The following BAZ1B variants were observed in gnomAD, a reference collection of about 807,000 sequenced individuals.
BAZ1B encodes bromodomain adjacent to zinc finger domain 1B, also known as tyrosine-protein kinase BAZ1B.
In BAZ1B, 22 loss-of-function variants were observed where a neutral mutation model predicts 153.8. The ratio of observed to expected loss-of-function variants is 0.14; its 90% confidence interval spans 0.10 to 0.20. The LOEUF (loss-of-function observed/expected upper bound fraction) is 0.20, where lower values mean the gene tolerates loss of function less well. Ranked by LOEUF, BAZ1B falls within the 10% of genes least tolerant of loss-of-function variation. BAZ1B has a pLI of 1.00. For synonymous variants in BAZ1B, 676 were observed against 633.4 expected, an observed-to-expected ratio of 1.07 and a Z score of -1.01; for missense variants, 1,325 against 1,799.3, an observed-to-expected ratio of 0.74 and a Z score of 4.77.
chr7:73,477,148 C>T lies in BAZ1B; in HGVS notation c.2313G>A (p.Gln771=). 1 of 1,614,230 alleles carries T rather than the reference C, an allele frequency of 6.2e-7. No individual in the cohort carries two copies. The highest frequency in any genetic ancestry group is 1.3e-5 in the African/African-American group (1 of 75,060). The stretch of plus-strand genomic sequence containing the variant: ...GTTCCTTCCACAACTCTGCAGACAT[C>T]TGCTGTCTGGTCTCCATGTGGTCTT... ...SVQDHMETRQ[Q]MSAELWKERL... Residue 771 remains glutamine (Q), a synonymous_variant, in exon 7 of 20, where the codon CAG becomes CAA. Coordinates refer to ENST00000339594, the MANE Select transcript of BAZ1B (RefSeq NM_032408.4). The surrounding 1 kb of genome is among the most constrained non-coding windows in gnomAD (Gnocchi z 5.6).
At chr7:73,517,077 G>T (rs1277440170) in intron 1 of BAZ1B, among the ~76,000 whole-genome samples, 2 of 151,854 alleles carry the variant, frequency 1.3e-5, no homozygotes, top group Non-Finnish European at 2.9e-5. Context: ...CAGTTGCTTG[G>T]GAGTCTGAGG....
chr7:73,487,553 G>GAGCT (rs1196619123), intron 6 of BAZ1B, among the ~76,000 whole-genome samples: 4 of 152,140 alleles, frequency 2.6e-5, no homozygotes, highest in Non-Finnish European at 5.9e-5. Context: ...ACATAAAACA[G>GAGCT]AGCTGTAAGA....
chr7:73,465,547 CA>C lies in BAZ1B; in HGVS notation c.2973-11del. ...ACTATCACATAAAAACCTGTAGGGG[CA>C]AAAGAGACCTGATAACTCTGAAAAA... On this transcript the variant is annotated splice_polypyrimidine_tract_variant and intron_variant, in intron 10 of 19. Transcript: ENST00000339594. 1 of 1,431,644 alleles carries C rather than the reference CA, an allele frequency of 7.0e-7. No homozygotes were observed. The highest frequency in any genetic ancestry group is 9.6e-7 in the Non-Finnish European group (1 of 1,045,336). The allele number at this position is 1,431,644 out of a possible 1,614,324, so 88.7% of individuals were successfully genotyped here.
intron 4 of BAZ1B, among the ~76,000 whole-genome samples, chr7:73,496,325 A>G (rs2116403196): frequency 6.6e-6 from 1 of 152,304 alleles, no homozygotes; most frequent in African/African-American, 2.4e-5. Context: ...AGTATCAACA[A>G]CTTGGGATGG....
intron 7 of BAZ1B, among the ~76,000 whole-genome samples, chr7:73,473,484 G>A (rs1466957753): frequency 6.6e-6 from 1 of 152,070 alleles, no homozygotes; most frequent in African/African-American, 2.4e-5. Flanking sequence ...AACCTGGGAG[G>A]TGGAGGTTGC....
chr7:73,474,187 G>A (rs1333068527), intron 7 of BAZ1B, among the ~76,000 whole-genome samples: 1 of 152,054 alleles, frequency 6.6e-6, no homozygotes, highest in Non-Finnish European at 1.5e-5. Context: ...AATGGGGAAA[G>A]GTTTGTCATT....
chr7:73,490,849 C>T (rs1267256619), intron 5 of BAZ1B, among the ~76,000 whole-genome samples: 1 of 151,902 alleles, frequency 6.6e-6, no homozygotes, highest in East Asian at 2.0e-4. Context: ...AGGTGATCCA[C>T]CTGCCTCGGC....
chr7:73,508,875 T>C (rs1790457281), intron 2 of BAZ1B, among the ~76,000 whole-genome samples: 1 of 151,960 alleles, frequency 6.6e-6, no homozygotes, highest in African/African-American at 2.4e-5. Context: ...TAGCCGGCCA[T>C]GGTGGCTGGT....
intron 4 of BAZ1B, among the ~76,000 whole-genome samples, chr7:73,496,891 G>A (rs1482494440): frequency 1.3e-5 from 2 of 151,742 alleles, no homozygotes; most frequent in Non-Finnish European, 2.9e-5. Flanking sequence ...TTCAGCATGA[G>A]GCCGAGGCCA....
At chr7:73,457,359 G>C (rs1241313241) in intron 13 of BAZ1B, among the ~76,000 whole-genome samples, 1 of 151,842 alleles carries the variant, frequency 6.6e-6, no homozygotes, top group Non-Finnish European at 1.5e-5. Flanking sequence ...TGTATTTTTA[G>C]TAGAGATGAG....
rs1554576360 is a variant in BAZ1B at position 73,496,163 on chromosome 7, CGGAAAG to C, written c.571+2328_571+2333del. Among the ~76,000 whole-genome samples the C allele has an allele frequency of 7.9e-5, 12 of 152,202 alleles. No individual in the cohort carries two copies. In the East Asian group the frequency reaches 2.3e-3, roughly 29 times the overall value. On this transcript the variant is annotated intron_variant, in intron 4 of 19. Coordinates refer to ENST00000339594, the MANE Select transcript of BAZ1B (RefSeq NM_032408.4). ...GTAAGACCACAATAAAACTGATGTT[CGGAAAG>C]CAGAGAGAATATTCCTAACCAAAAC...
In BAZ1B at chr7:73,477,113, A is replaced by G; in HGVS notation, c.2348T>C (p.Val783Ala). Residue 783 changes from valine (V) to alanine (A), a missense_variant, in exon 7 of 20, where the codon GTG becomes GCG. Val to Ala is a moderately conservative substitution (Grantham distance 64). Transcript: ENST00000339594. This position sits in a 1 kb window ranked among gnomAD's most constrained non-coding sequence, Gnocchi z 5.6. ...CTTCTTATCATTTTCTTCCTTCAAC[A>G]CAGCAAGCCGTTCCTTCCACAACTC... is the stretch of plus-strand genomic sequence containing the variant. ...SAELWKERLA[V>A]LKEENDKKRA... The G allele has an allele frequency of 6.2e-7, 1 of 1,613,922 alleles. No homozygotes were observed. The highest frequency in any genetic ancestry group is 1.3e-5 in the African/African-American group (1 of 74,952).
At position 73,443,707 on chromosome 7, in the gene BAZ1B, C is replaced by T. The variant is rs546093317; in HGVS notation, c.3990+277G>A. 2.6e-5 allele frequency among the ~76,000 whole-genome samples: 4 copies of T among 152,306 alleles called. No individual in the cohort carries two copies. The East Asian group carries it at 7.7e-4, about 29-fold the overall frequency. On this transcript the variant is annotated intron_variant, in intron 17 of 19. Transcript: ENST00000339594. ...CCAGCCCCTCTGAGCCCACTGGAGA[C>T]ACATGGATACTATTTTTAAATCCTT...
At chr7:73,497,980 T>A (rs1440066220) in intron 4 of BAZ1B, among the ~76,000 whole-genome samples, 2 of 151,956 alleles carry the variant, frequency 1.3e-5, no homozygotes, top group Non-Finnish European at 2.9e-5. Context: ...AGTTTTGTTT[T>A]TGTGGCCCTG....
chr7:73,477,143 G>A lies in BAZ1B; in HGVS notation c.2318C>T (p.Ser773Phe). The A allele has an allele frequency of 1.2e-6, 2 of 1,614,126 alleles. No individual in the cohort carries two copies. The highest frequency in any genetic ancestry group is 1.7e-6 in the Non-Finnish European group (2 of 1,180,028). ...QDHMETRQQMSAELWKERLAV... is the reference protein window; with the variant it reads ...QDHMETRQQMFAELWKERLAV... ...AAGCCGTTCCTTCCACAACTCTGCA[G>A]ACATCTGCTGTCTGGTCTCCATGTG... The change falls in exon 7 of 20, where the codon TCT becomes TTT. Residue 773 changes from serine (S) to phenylalanine (F), a missense_variant. Around this residue, in one of 9 missense-constraint regions of BAZ1B, gnomAD observed 431 missense variants for 563.5 expected, o/e 0.76. Transcript: ENST00000339594. The surrounding 1 kb of genome is among the most constrained non-coding windows in gnomAD (Gnocchi z 5.6).
At chr7:73,472,705 T>G (rs1788854289) in intron 7 of BAZ1B, among the ~76,000 whole-genome samples, 2 of 152,086 alleles carry the variant, frequency 1.3e-5, no homozygotes, top group South Asian at 4.1e-4. Context: ...GCCTCCCAAG[T>G]AGCTGGGATT....
intron 3 of BAZ1B, among the ~76,000 whole-genome samples, chr7:73,500,474 T>C (rs1399578277): frequency 1.3e-5 from 2 of 152,044 alleles, no homozygotes; most frequent in African/African-American, 4.8e-5. Flanking sequence ...GCCTGGGACG[T>C]TGAAGAAGAA....
chr7:73,516,932 G>A (rs573111889), intron 1 of BAZ1B, among the ~76,000 whole-genome samples: 51 of 152,204 alleles, frequency 3.4e-4, no homozygotes, highest in Non-Finnish European at 2.8e-4. Context: ...TGTAATCCCA[G>A]CACTTTGGGA....
intron 11 of BAZ1B, 75 bp downstream of exon 11, chr7:73,465,363 GA>G (rs1370753421): frequency 4.8e-5 from 49 of 1,011,182 alleles, no homozygotes; most frequent in African/African-American, 3.3e-4. Flanking sequence ...AAATGGATAA[GA>G]AAAAAAACCC....
Sources: gnomAD v4.1 joint callset for allele counts (sites outside exome capture counted in the v4.1 genomes callset) on GRCh38, gnomAD v4.1.1 for gene constraint, gnomAD v4.1.1 regional missense constraint, Gnocchi (gnomAD v3.1) non-coding constraint, MANE v1.5 for transcripts, NCBI Gene and HGNC (gene_info 2026-07-23, HGNC 2026-07-21) for gene names.